The following CCDC33 variants were observed in gnomAD, a reference collection of about 807,000 sequenced individuals.
The protein encoded by CCDC33 is coiled-coil domain containing 33.
A neutral mutation model predicts 91.9 loss-of-function variants in CCDC33; 94 were observed. That is an observed-to-expected ratio of 1.02 (90% CI 0.87 to 1.21). The LOEUF is 1.21. Among genes scored for constraint, CCDC33 ranks in the 50% most tolerant of loss-of-function variants. The pLI, the probability that CCDC33 is intolerant of heterozygous loss-of-function variation, is 0.00. For synonymous variants in CCDC33, 396 were observed against 374.5 expected (o/e 1.06, Z -0.66); for missense variants, 940 against 935.5 (o/e 1.00, Z -0.06).
chr15:74,283,391 C>T (rs538473020), intron 10 of CCDC33, among the ~76,000 whole-genome samples: 17 of 152,326 alleles, frequency 1.1e-4, no homozygotes, highest in African/African-American at 3.8e-4. Flanking sequence ...CGTCAGGTGC[C>T]CCTGGTCAGG....
Position 74,271,768 on chromosome 15 carries a change from G to A in CCDC33, c.612G>A (p.Arg204=). Reference sequence around the variant, plus strand: ...CCAACCCCATAGTGGTGATTGCCCGGGTCGTTCCCAACTACAAGGAATTTA... The same window carrying A: ...CCAACCCCATAGTGGTGATTGCCCGAGTCGTTCCCAACTACAAGGAATTTA... ...NNPNPIVVIA[R]VVPNYKEFKV... is the part of the protein sequence containing the mutation. Residue 204 remains arginine (R), a synonymous_variant, in exon 6 of 19, where the codon CGG becomes CGA. Transcript: ENST00000398814. The A allele has an allele frequency of 6.2e-7, 1 of 1,613,900 alleles. No individual in the cohort carries two copies. The highest frequency in any genetic ancestry group is 1.7e-5 in the Admixed American group (1 of 59,998).
intron 1 of CCDC33, among the ~76,000 whole-genome samples, chr15:74,204,755 A>G (rs1306454993): frequency 6.6e-6 from 1 of 152,168 alleles, no homozygotes; most frequent in Non-Finnish European, 1.5e-5. Context: ...CCAACAAGGC[A>G]AAATCCCATC....
Position 74,230,224 on chromosome 15 carries a change from G to C in CCDC33, c.675+11363G>C, listed in dbSNP as rs572590062. Reference sequence around the variant, plus strand: ...GTTTTTTGAAGCAGAGGAGGGCCTTGGTCAGATTTGGAGGTTGGAAGAGTT... The same window carrying C: ...GTTTTTTGAAGCAGAGGAGGGCCTTCGTCAGATTTGGAGGTTGGAAGAGTT... On this transcript the variant is annotated intron_variant, in intron 2 of 2. Transcript: ENST00000635913. Among the ~76,000 whole-genome samples the C allele has an allele frequency of 1.3e-3, 196 of 152,230 alleles. 2 individuals are homozygous for C. The highest frequency in any genetic ancestry group is 4.6e-3 in the African/African-American group (191 of 41,528).
At chr15:74,280,943 C>A in intron 9 of CCDC33, 142 bp downstream of exon 9, 1 of 851,954 alleles carries the variant, frequency 1.2e-6, no homozygotes, top group Non-Finnish European at 1.6e-6. Flanking sequence ...GGGAAGTCAC[C>A]CAGTCTAGAA....
At chr15:74,318,605 C>A (rs753564036) in intron 11 of CCDC33, 1 of 741,516 alleles carries the variant, frequency 1.3e-6, no homozygotes, top group Non-Finnish European at 2.5e-6. Context: ...GGAGCCAGGG[C>A]CCCCATCCCC....
In CCDC33 at chr15:74,332,762, G is replaced by A; in HGVS notation, c.1855G>A (p.Ala619Thr). 1.2e-6 allele frequency: 2 copies of A among 1,614,188 alleles called. No individual in the cohort carries two copies. The highest frequency in any genetic ancestry group is 1.7e-6 in the Non-Finnish European group (2 of 1,180,016). Residue 619 changes from alanine (A) to threonine (T), a missense_variant, in exon 16 of 19, where the codon GCA (alanine) becomes ACA (threonine). Coordinates refer to ENST00000398814, the MANE Select transcript of CCDC33 (RefSeq NM_025055.5). The part of the protein sequence containing the change: ...LPVELYSVLL[A>T]ENAKLRTELD... ...GGTTGAACTTTACTCGGTGCTGCTG[G>A]CAGAAAACGCGAAGCTGCGGACGGA...
At chr15:74,271,906 T>TACC in intron 6 of CCDC33, 112 bp downstream of exon 6, 6 of 838,600 alleles carry the variant, frequency 7.2e-6, no homozygotes, top group Non-Finnish European at 9.7e-6. Context: ...GCAACCCCTC[T>TACC]ACCCCTAAGG....
At position 74,244,161 on chromosome 15, in the gene CCDC33, G is replaced by GT. The variant is rs769615447; in HGVS notation, c.185+14dup. On this transcript the variant is annotated intron_variant, in intron 2 of 18. Transcript: ENST00000398814. This position sits in a 1 kb window ranked among gnomAD's most constrained non-coding sequence, Gnocchi z 4.2. The stretch of plus-strand genomic sequence containing the variant: ...CCTATGTGGTGGTGTAAGTAGCTGC[G>GT]TGAGAGTGGGGGCAGGGGATGGGTT... 3.7e-6 allele frequency: 6 copies of GT among 1,601,742 alleles called. No individual in the cohort carries two copies. The highest frequency in any genetic ancestry group is 2.7e-5 in the African/African-American group (2 of 74,570).
intron 1 of CCDC33, among the ~76,000 whole-genome samples, chr15:74,238,209 A>G (rs949035198): frequency 6.6e-6 from 1 of 152,072 alleles, no homozygotes; most frequent in African/African-American, 2.4e-5. Flanking sequence ...GAAGTTCGAG[A>G]CCAGTCTGGC....
intron 10 of CCDC33, among the ~76,000 whole-genome samples, chr15:74,290,599 T>C (rs2059567913): frequency 6.6e-6 from 1 of 152,000 alleles, no homozygotes; most frequent in African/African-American, 2.4e-5. Flanking sequence ...TTCCAAATAG[T>C]GGGTTGGAAA....
chr15:74,236,759 G>C lies in CCDC33; in HGVS notation c.21+19G>C. The C allele has an allele frequency of 6.2e-7, 1 of 1,611,066 alleles. No individual in the cohort carries two copies. The highest frequency in any genetic ancestry group is 1.3e-5 in the African/African-American group (1 of 75,008). On this transcript the variant is annotated intron_variant, in intron 1 of 18. Coordinates refer to ENST00000398814, the MANE Select transcript of CCDC33 (RefSeq NM_025055.5). Reference sequence around the variant, plus strand: ...CAAAAAGGTAAGGCCAGGGGCATGGGCCATGCACCTGCATGAATCCGTCCC... The same window carrying C: ...CAAAAAGGTAAGGCCAGGGGCATGGCCCATGCACCTGCATGAATCCGTCCC...
chr15:74,243,951 A>G (rs1330896005), intron 1 of CCDC33, 34 bp from the exon 2 acceptor site: 1 of 1,561,880 alleles, frequency 6.4e-7, no homozygotes, highest in African/African-American at 1.4e-5. Context: ...TCTCAAAAAA[A>G]AAAAAAAACA....
chr15:74,335,649 G>A lies in CCDC33; in HGVS notation c.2140-276G>A, dbSNP rs1202219650. The A allele has an allele frequency of 3.5e-5, 14 of 400,710 alleles. No individual in the cohort carries two copies. In the Admixed American group the frequency reaches 5.4e-4, roughly 15 times the overall value. 24.8% of individuals were successfully genotyped at this position (400,710 alleles called of 1,614,324 possible). A position where few individuals can be genotyped will look rare whatever the true frequency, so the allele number is the denominator to read the frequency against. ...TTGAGCCAGCTGTGCTTTGCCCGTG[G>A]CCAGAAGCTCAGCAGCGGCTCCTGG... On this transcript the variant is annotated intron_variant, in intron 18 of 18. Coordinates refer to ENST00000398814, the MANE Select transcript of CCDC33 (RefSeq NM_025055.5).
At chr15:74,282,868 T>C (rs981967977) in intron 10 of CCDC33, among the ~76,000 whole-genome samples, 9 of 152,156 alleles carry the variant, frequency 5.9e-5, no homozygotes, top group Non-Finnish European at 8.8e-5. Flanking sequence ...GGACTTTCCC[T>C]CTTTCCTCTC....
chr15:74,236,614 G>T lies in CCDC33; in HGVS notation c.-106G>T, dbSNP rs1014133603. On this transcript the variant is annotated 5_prime_UTR_variant, in exon 1 of 19. Transcript: ENST00000398814. ...CTACTACCCATAAGGACTCCAAGAC[G>T]CCCAGGCCAGCTGTCTGGGCAGGAC... 6 of 1,027,200 alleles carry T rather than the reference G, an allele frequency of 5.8e-6. No individual in the cohort carries two copies. Among genetic ancestry groups the T allele is most frequent in the African/African-American group, 3.2e-5 (2 of 62,364 alleles). 63.6% of individuals were successfully genotyped at this position (1,027,200 alleles called of 1,614,324 possible). A position where few individuals can be genotyped will look rare whatever the true frequency, so the allele number is the denominator to read the frequency against.
chr15:74,214,193 G>A (rs1403154680), upstream of CCDC33, among the ~76,000 whole-genome samples: 3 of 152,100 alleles, frequency 2.0e-5, no homozygotes, highest in Non-Finnish European at 4.4e-5. Context: ...CTCTGGGGTG[G>A]GCTAATTATA....
At chr15:74,294,741 T>C (rs1275261877) in intron 10 of CCDC33, among the ~76,000 whole-genome samples, 1 of 122,976 alleles carries the variant, frequency 8.1e-6, no homozygotes, top group Non-Finnish European at 1.9e-5. Flanking sequence ...AGCAAGACTC[T>C]GTCTCAAAAA....
At chr15:74,207,751 C>A in intron 1 of CCDC33, 1 of 1,535,724 alleles carries the variant, frequency 6.5e-7, no homozygotes, top group Non-Finnish European at 8.7e-7. Flanking sequence ...GAGAGTCAAC[C>A]TCATGCGGGC....
At chr15:74,266,637 C>A (rs1029569111) in intron 3 of CCDC33, 41 bp from the exon 4 acceptor site, 9 of 1,345,652 alleles carry the variant, frequency 6.7e-6, no homozygotes, top group Non-Finnish European at 8.5e-6. Context: ...AGAAAGGGAT[C>A]CATTTAAAAA....
Sources: allele counts gnomAD v4.1 joint callset (sites outside exome capture counted in the v4.1 genomes callset), GRCh38; gene constraint gnomAD v4.1.1; non-coding constraint Gnocchi (gnomAD v3.1); transcripts MANE v1.5; gene names NCBI Gene and HGNC (gene_info 2026-07-23, HGNC 2026-07-21).